Variants in PSMA8 observed in about 807,000 individuals in gnomAD.
The protein encoded by PSMA8 is proteasome subunit alpha-type 8.
PSMA8 carries 18 observed loss-of-function variants against 32.4 expected under a neutral mutation model. The observed-to-expected ratio is 0.56, with a 90% CI of 0.38 to 0.82. The LOEUF (loss-of-function observed/expected upper bound fraction) is 0.82, where lower values mean the gene tolerates loss of function less well. Among genes scored for constraint, PSMA8 ranks in the 40% least tolerant of loss-of-function variants. The pLI is 0.00. For synonymous variants in PSMA8, 104 were observed against 98.1 expected (o/e 1.06, Z -0.36); for missense variants, 298 against 300.7 (o/e 0.99, Z 0.07).
chr18:26,168,695 A>G (rs1279370399), intron 4 of PSMA8, among the ~76,000 whole-genome samples: 1 of 125,648 alleles, frequency 8.0e-6, no homozygotes, highest in Non-Finnish European at 1.5e-5. Flanking sequence ...CCACCCAGCT[A>G]ACCGATTAAT....
intron 4 of PSMA8, among the ~76,000 whole-genome samples, chr18:26,175,372 T>C (rs1286272036): frequency 6.6e-6 from 1 of 152,144 alleles, no homozygotes; most frequent in African/African-American, 2.4e-5. Flanking sequence ...GAGGGAGACA[T>C]TGGGCTGCAT....
At chr18:26,141,639 C>A (rs948518572) in intron 1 of PSMA8, among the ~76,000 whole-genome samples, 1 of 150,986 alleles carries the variant, frequency 6.6e-6, no homozygotes, top group Non-Finnish European at 1.5e-5. Flanking sequence ...CTTGGATAAA[C>A]TGATAAGAAA....
intron 4 of PSMA8, among the ~76,000 whole-genome samples, chr18:26,174,789 T>C (rs2055251267): frequency 6.6e-6 from 1 of 152,352 alleles, no homozygotes; most frequent in African/African-American, 2.4e-5. Flanking sequence ...AGCTAAGTAA[T>C]TTTGTTAGCT....
intron 2 of PSMA8, among the ~76,000 whole-genome samples, chr18:26,146,193 T>A (rs1790522): frequency 6.6e-6 from 1 of 151,380 alleles, no homozygotes; most frequent in Non-Finnish European, 1.5e-5. Flanking sequence ...ATCTTCTGAT[T>A]GGGTTTTTTT....
chr18:26,147,827 GA>G (rs1182781023), intron 2 of PSMA8, among the ~76,000 whole-genome samples: 3 of 151,848 alleles, frequency 2.0e-5, no homozygotes, highest in Non-Finnish European at 2.9e-5. Flanking sequence ...GATTGACTAA[GA>G]AAAAAAGAGA....
chr18:26,181,460 G>T (rs2055310701), intron 6 of PSMA8, among the ~76,000 whole-genome samples: 1 of 152,020 alleles, frequency 6.6e-6, no homozygotes, highest in Non-Finnish European at 1.5e-5. Flanking sequence ...CCCGATAAGG[G>T]CCTCTAAGTG....
intron 6 of PSMA8, among the ~76,000 whole-genome samples, chr18:26,187,882 A>G (rs1423864053): frequency 6.6e-6 from 1 of 152,208 alleles, no homozygotes; most frequent in Non-Finnish European, 1.5e-5. Context: ...GATCTTCCAG[A>G]CAGAAAATCA....
rs535806254 is a variant in PSMA8, at chr18:26,149,954, A to G, written c.230-1904A>G. Among the ~76,000 whole-genome samples the G allele has an allele frequency of 3.3e-5, 5 of 152,378 alleles. No individual in the cohort carries two copies. In the East Asian group the frequency reaches 9.6e-4, roughly 29 times the overall value. On this transcript the variant is annotated intron_variant, in intron 2 of 6. Transcript: ENST00000415576. ...CATGTACCATGTGGAATTCCACTTA[A>G]TAGCAGAAGTTTTACATTATGATTG...
chr18:26,188,658 A>G (rs1390693486), intron 6 of PSMA8, among the ~76,000 whole-genome samples: 1 of 152,164 alleles, frequency 6.6e-6, no homozygotes, highest in Non-Finnish European at 1.5e-5. Flanking sequence ...TAGATTAATT[A>G]AACAAAATGG....
rs142736405 is a variant in PSMA8, at chr18:26,185,143, C to A, written c.660+6013C>A. On this transcript the variant is annotated intron_variant, in intron 6 of 6. Transcript: ENST00000415576. Reference sequence around the variant, plus strand: ...GGCAGACATTTGAAAATTGTTTCTACTGAAAATGAAAATTCTCCTTGGAAA... The same window carrying A: ...GGCAGACATTTGAAAATTGTTTCTAATGAAAATGAAAATTCTCCTTGGAAA... 6.5e-3 allele frequency among the ~76,000 whole-genome samples: 943 copies of A among 146,188 alleles called. 38 individuals are homozygous for A. Among genetic ancestry groups the A allele is most frequent in the Non-Finnish European group, 9.9e-3 (659 of 66,632 alleles).
Position 26,178,959 on chromosome 18 carries a change from C to G in PSMA8, c.597+10C>G. The G allele has an allele frequency of 6.2e-7, 1 of 1,609,892 alleles. No homozygotes were observed. The highest frequency in any genetic ancestry group is 8.5e-7 in the Non-Finnish European group (1 of 1,178,948). The stretch of plus-strand genomic sequence containing the variant: ...AAAAGCTTTGCTAGAAGTAAGTGAT[C>G]TAATAAAGCATATTCAGGAAATCAT... On this transcript the variant is annotated intron_variant, in intron 5 of 6. Coordinates refer to ENST00000415576, the MANE Select transcript of PSMA8 (RefSeq NM_001025096.2).
chr18:26,134,863 A>T (rs2054898967), intron 1 of PSMA8, among the ~76,000 whole-genome samples: 1 of 151,998 alleles, frequency 6.6e-6, no homozygotes, highest in East Asian at 1.9e-4. Context: ...CTGAGGCGGG[A>T]GAATCGCTTG....
chr18:26,140,093 T>C (rs1290911398), intron 1 of PSMA8: 16 of 702,962 alleles, frequency 2.3e-5, no homozygotes, highest in Non-Finnish European at 3.1e-5. Flanking sequence ...GGCATGGATG[T>C]CTGCACATTT....
At chr18:26,134,336 T>TGG (rs1391116246) in intron 1 of PSMA8, among the ~76,000 whole-genome samples, 2 of 144,706 alleles carry the variant, frequency 1.4e-5, no homozygotes, top group Non-Finnish European at 3.0e-5. Flanking sequence ...AGGGTGTGTG[T>TGG]GTGGGTGTGT....
intron 2 of PSMA8, among the ~76,000 whole-genome samples, chr18:26,149,831 G>A (rs2055031308): frequency 6.6e-6 from 1 of 152,138 alleles, no homozygotes; most frequent in African/African-American, 2.4e-5. Flanking sequence ...ATAAAGCATA[G>A]TGGGAAAGCT....
At chr18:26,156,718 A>G (rs1263218910) in intron 3 of PSMA8, among the ~76,000 whole-genome samples, 1 of 148,458 alleles carries the variant, frequency 6.7e-6, no homozygotes, top group South Asian at 2.1e-4. Context: ...TATATACAAT[A>G]TATATACAGT....
At chr18:26,179,174 T>C (rs2055288963) in intron 6 of PSMA8, 44 bp downstream of exon 6, 2 of 1,514,044 alleles carry the variant, frequency 1.3e-6, no homozygotes, top group Non-Finnish European at 1.8e-6. Flanking sequence ...TAGTATAAAG[T>C]ATTTTGACAA....
intron 4 of PSMA8, among the ~76,000 whole-genome samples, chr18:26,173,495 T>A (rs2055240497): frequency 6.6e-6 from 1 of 152,154 alleles, no homozygotes; most frequent in African/African-American, 2.4e-5. Context: ...CTTGTTTACC[T>A]TGTTTATTAT....
intron 1 of PSMA8, among the ~76,000 whole-genome samples, chr18:26,144,068 C>T (rs2054981758): frequency 6.6e-6 from 1 of 152,080 alleles, no homozygotes. Flanking sequence ...ATACAGCTCA[C>T]ATTTATTTCA....
Sources: allele counts gnomAD v4.1 joint callset (sites outside exome capture counted in the v4.1 genomes callset), GRCh38; gene constraint gnomAD v4.1.1; transcripts MANE v1.5; gene names NCBI Gene and HGNC (gene_info 2026-07-23, HGNC 2026-07-21).